EYS: variants seen among roughly 807,000 people sequenced by gnomAD.
EYS encodes the protein EGF-like photoreceptor maintenance factor.
EYS carries 250 observed loss-of-function variants against 282.1 expected under a neutral mutation model. The ratio of observed to expected loss-of-function variants is 0.89; its 90% CI spans 0.80 to 0.98. The LOEUF (loss-of-function observed/expected upper bound fraction) is 0.98, where lower values mean the gene tolerates loss of function less well. EYS is among the 50% of genes least tolerant of loss of function. EYS has a pLI of 0.00. For synonymous variants in EYS, 1,355 were observed against 1,282.9 expected (o/e 1.06, Z -1.20); for missense variants, 4,016 against 3,709.0 (o/e 1.08, Z -2.15).
chr6:64,019,830 A>ATATATACACT (rs1442701744), intron 33 of EYS, among the ~76,000 whole-genome samples: 1 of 137,918 alleles, frequency 7.3e-6, no homozygotes, highest in African/African-American at 2.9e-5. Context: ...ATAAGTATAT[A>ATATATACACT]TATATATATG....
chr6:64,262,258 T>C (rs989997231), intron 30 of EYS, among the ~76,000 whole-genome samples: 1 of 151,946 alleles, frequency 6.6e-6, no homozygotes, highest in African/African-American at 2.4e-5. Context: ...CAGAGGAGAC[T>C]AATTTCATTT....
At chr6:64,429,720 C>T (rs958838676) in intron 28 of EYS, among the ~76,000 whole-genome samples, 3 of 152,154 alleles carry the variant, frequency 2.0e-5, no homozygotes, top group Middle Eastern at 6.8e-3. Context: ...ATCCTCTTTT[C>T]CCACGTTAAA....
At chr6:64,442,259 C>T (rs1162093888) in intron 26 of EYS, among the ~76,000 whole-genome samples, 2 of 152,080 alleles carry the variant, frequency 1.3e-5, no homozygotes, top group Non-Finnish European at 2.9e-5. Context: ...TAGAACTTTG[C>T]ACTTGAGGAA....
chr6:65,398,985 G>T (rs946129482), intron 7 of EYS, among the ~76,000 whole-genome samples: 1 of 152,008 alleles, frequency 6.6e-6, no homozygotes, highest in Non-Finnish European at 1.5e-5. Flanking sequence ...GCAAAAGATT[G>T]AACTATTCTT....
chr6:63,848,320 G>A (rs960045542), intron 36 of EYS, among the ~76,000 whole-genome samples: 1 of 152,046 alleles, frequency 6.6e-6, no homozygotes, highest in Non-Finnish European at 1.5e-5. Context: ...AAACTTAATT[G>A]TATTGGGGTC....
chr6:64,021,215 C>G (rs1160054262), intron 33 of EYS, among the ~76,000 whole-genome samples: 1 of 151,838 alleles, frequency 6.6e-6, no homozygotes, highest in Non-Finnish European at 1.5e-5. Flanking sequence ...TTTGCAAAAG[C>G]CATTCTTTTT....
intron 13 of EYS, among the ~76,000 whole-genome samples, chr6:65,027,100 G>A (rs1365169176): frequency 1.3e-5 from 2 of 150,152 alleles, no homozygotes; most frequent in African/African-American, 4.9e-5. Flanking sequence ...ACTTTTACAT[G>A]TAAAGTAGTT....
At chr6:64,403,331 T>TAATC (rs1157240686) in intron 28 of EYS, among the ~76,000 whole-genome samples, 2 of 152,148 alleles carry the variant, frequency 1.3e-5, no homozygotes, top group African/African-American at 4.8e-5. Flanking sequence ...TTATTTTTCT[T>TAATC]AATCATTAAA....
In EYS at chr6:65,252,045, C is replaced by T. The variant is rs142740546; in HGVS notation, c.2023+43818G>A. Among the ~76,000 whole-genome samples the T allele has an allele frequency of 1.9e-3, 291 of 151,928 alleles. 7 individuals carry two copies. The highest frequency in any genetic ancestry group is 0.015 in the Admixed American group (231 of 15,230). ...CAGTCATTTTTCCAGGGGGTAGGGG[C>T]GACTCCTATTGTTTTTGTTTTATAT... On this transcript the variant is annotated intron_variant, in intron 12 of 42. Transcript: ENST00000503581.
At chr6:64,727,254 G>T (rs1181061756) in intron 22 of EYS, among the ~76,000 whole-genome samples, 1 of 152,220 alleles carries the variant, frequency 6.6e-6, no homozygotes, top group African/African-American at 2.4e-5. Context: ...GAGGTGGGAC[G>T]ATGCTCATAT....
chr6:65,095,599 G>A (rs753225968), intron 12 of EYS, among the ~76,000 whole-genome samples: 2 of 150,998 alleles, frequency 1.3e-5, no homozygotes, highest in Admixed American at 1.3e-4. Flanking sequence ...TCTTTCTAAT[G>A]AAGAAGAGCC....
chr6:64,884,320 G>GT (rs1232720202), intron 19 of EYS, among the ~76,000 whole-genome samples: 2 of 151,180 alleles, frequency 1.3e-5, no homozygotes, highest in East Asian at 1.9e-4. Flanking sequence ...TTCAAATTTT[G>GT]TTTTTTTCTG....
chr6:65,519,415 G>C (rs1767263893), intron 2 of EYS, among the ~76,000 whole-genome samples: 1 of 150,904 alleles, frequency 6.6e-6, no homozygotes, highest in Admixed American at 6.7e-5. Context: ...ATATGTAAGA[G>C]TTATGATTTT....
intron 26 of EYS, among the ~76,000 whole-genome samples, chr6:64,466,260 A>G (rs1312778312): frequency 6.6e-6 from 1 of 152,152 alleles, no homozygotes; most frequent in African/African-American, 2.4e-5. Flanking sequence ...TATACATCCA[A>G]AGGTAATGAA....
chr6:63,804,086 G>A (rs1770844098), intron 37 of EYS, among the ~76,000 whole-genome samples: 1 of 151,766 alleles, frequency 6.6e-6, no homozygotes, highest in South Asian at 2.1e-4. Flanking sequence ...CTGCAATCTC[G>A]GCTCACTGCA....
intron 8 of EYS, among the ~76,000 whole-genome samples, chr6:65,373,197 C>T (rs1765229534): frequency 6.6e-6 from 1 of 152,174 alleles, no homozygotes; most frequent in Non-Finnish European, 1.5e-5. Context: ...ATCCATTCTT[C>T]CACATGTTTC....
At chr6:65,342,531 CAATTAATCA>C (rs1770238152) in intron 10 of EYS, among the ~76,000 whole-genome samples, 1 of 150,454 alleles carries the variant, frequency 6.6e-6, no homozygotes, top group African/African-American at 2.4e-5. Context: ...GATGCCTGAA[CAATTAATCA>C]AATTAATCAA....
chr6:65,408,296 G>C (rs1206563486), intron 5 of EYS, among the ~76,000 whole-genome samples: 1 of 151,948 alleles, frequency 6.6e-6, no homozygotes, highest in Non-Finnish European at 1.5e-5. Context: ...GGTAATACTG[G>C]CCTGATAGCA....
chr6:65,438,111 GT>G (rs747117622), intron 5 of EYS, among the ~76,000 whole-genome samples: 2 of 150,292 alleles, frequency 1.3e-5, no homozygotes, highest in Non-Finnish European at 3.0e-5. Context: ...GTAGTGTTTG[GT>G]TTTTTGTCTT....
Sources: gnomAD v4.1 joint callset for allele counts (sites outside exome capture counted in the v4.1 genomes callset) on GRCh38, gnomAD v4.1.1 for gene constraint, MANE v1.5 for transcripts, NCBI Gene and HGNC (gene_info 2026-07-23, HGNC 2026-07-21) for gene names.